Variants in IGF2BP1 observed in about 807,000 individuals in gnomAD.
IGF2BP1 encodes insulin-like growth factor 2 mRNA-binding protein 1.
Under a neutral mutation model 74.9 loss-of-function variants are expected in IGF2BP1, and 11 were observed. The observed-to-expected ratio is 0.15, with a 90% CI of 0.09 to 0.24. The LOEUF is 0.24. IGF2BP1 is among the 10% of genes least tolerant of loss of function. The pLI, the probability that IGF2BP1 is intolerant of heterozygous loss-of-function variation, is 1.00. For missense variants in IGF2BP1, 440 were observed against 757.4 expected (o/e 0.58, Z 4.92); for synonymous variants, 287 against 281.8 (o/e 1.02, Z -0.18).
chr17:49,044,125 AG>A, intron 11 of IGF2BP1, 39 bp downstream of exon 11: 1 of 1,608,320 alleles, frequency 6.2e-7, no homozygotes, highest in South Asian at 1.1e-5. Context: ...CTGGAAAGGG[AG>A]GGGTCTCTGC....
At chr17:49,019,767 A>G (rs558493146) in intron 2 of IGF2BP1, among the ~76,000 whole-genome samples, 1 of 150,794 alleles carries the variant, frequency 6.6e-6, no homozygotes, top group Non-Finnish European at 1.5e-5. Context: ...AGTTTGAGAC[A>G]GGATCTCACT....
chr17:49,048,086 G>T (rs938444325), intron 14 of IGF2BP1, among the ~76,000 whole-genome samples: 5 of 152,088 alleles, frequency 3.3e-5, no homozygotes, highest in African/African-American at 1.2e-4. Context: ...TTCATTCTAT[G>T]AAGTGAATCC....
intron 4 of IGF2BP1, 125 bp downstream of exon 4, chr17:49,026,642 T>TGCC: frequency 3.9e-6 from 3 of 761,586 alleles, no homozygotes; most frequent in East Asian, 2.8e-5. Context: ...CCTGCCTTCC[T>TGCC]TCCTGCCTGC....
rs2041904489 is a variant in IGF2BP1, at chr17:49,030,011, TCAATG to T, written c.338-1898_338-1894del. ...GTTAGAGCCAAGAATTTTGATGGGA[TCAATG>T]ACTAGCATCCTGAGGCTACAATGGC... On this transcript the variant is annotated intron_variant, in intron 4 of 14. Transcript: ENST00000290341. Among the ~76,000 whole-genome samples the T allele has an allele frequency of 2.6e-5, 4 of 152,144 alleles. No individual in the cohort carries two copies. In the South Asian group the frequency reaches 8.3e-4, roughly 32 times the overall value.
At chr17:49,045,662 C>T (rs1299058101) in intron 12 of IGF2BP1, among the ~76,000 whole-genome samples, 4 of 152,160 alleles carry the variant, frequency 2.6e-5, no homozygotes, top group African/African-American at 9.7e-5. Flanking sequence ...TTCAATTACT[C>T]ATAACTCATA....
At chr17:49,011,153 AAAAAAAAAAAAAAAC>A (rs1567811447) in intron 2 of IGF2BP1, among the ~76,000 whole-genome samples, 4 of 149,814 alleles carry the variant, frequency 2.7e-5, no homozygotes, top group African/African-American at 9.9e-5. Flanking sequence ...AAAAAAAAAA[AAAAAAAAAAAAAAAC>A]AAACCCTAAA....
chr17:49,040,629 G>T (rs191307827), intron 7 of IGF2BP1, among the ~76,000 whole-genome samples: 1 of 152,238 alleles, frequency 6.6e-6, no homozygotes, highest in Admixed American at 6.5e-5. Flanking sequence ...GTATTCACTT[G>T]TGCGTGTATG....
chr17:48,999,741 C>T (rs1050387378), intron 2 of IGF2BP1, among the ~76,000 whole-genome samples: 3 of 151,768 alleles, frequency 2.0e-5, no homozygotes, highest in Admixed American at 6.6e-5. Context: ...CCTCATATCT[C>T]ACATCATCCC....
intron 2 of IGF2BP1, among the ~76,000 whole-genome samples, chr17:49,006,268 G>A (rs1476020482): frequency 6.6e-6 from 1 of 152,174 alleles, no homozygotes. Flanking sequence ...AGAGGAACAA[G>A]GAGGAAAGGA....
chr17:49,032,006 T>TGGGGGGGGGTAGGGGGGGGGGGGGGGGGG, intron 5 of IGF2BP1, 33 bp downstream of exon 5: 1 of 899,382 alleles, frequency 1.1e-6, no homozygotes, highest in Non-Finnish European at 1.8e-6. Flanking sequence ...CTGGGTGCGG[T>TGGGGGGGGGTAGGGGGGGGGGGGGGGGGG]GGGGGGGGGT....
In IGF2BP1 at chr17:48,997,805, A is replaced by G. The variant is rs150965183; in HGVS notation, c.60A>G (p.Lys20=). The change falls in exon 1 of 15, where the codon AAA becomes AAG. Residue 20 remains lysine (K), a synonymous_variant. Transcript: ENST00000290341. This position sits in a 1 kb window ranked among gnomAD's most constrained non-coding sequence, Gnocchi z 4.8. ...NESVTPADLE[K]VFAEHKISYS... is the part of the protein sequence containing the mutation. ...GCGTGACCCCCGCGGACTTGGAGAA[A>G]GTGTTTGCGGAGCACAAGATCTCCT... is the stretch of plus-strand genomic sequence containing the variant. 61 of 1,614,010 alleles carry G rather than the reference A, an allele frequency of 3.8e-5. No homozygotes were observed. Among genetic ancestry groups the G allele is most frequent in the Middle Eastern group, 1.6e-4 (1 of 6,062 alleles).
At chr17:49,034,750 A>C (rs1232111770) in intron 5 of IGF2BP1, among the ~76,000 whole-genome samples, 7 of 125,400 alleles carry the variant, frequency 5.6e-5, no homozygotes, top group African/African-American at 2.0e-4. Flanking sequence ...AAAAACACAA[A>C]AAAAACAAAA....
At chr17:49,031,423 G>A (rs752061703) in intron 4 of IGF2BP1, among the ~76,000 whole-genome samples, 1 of 152,024 alleles carries the variant, frequency 6.6e-6, no homozygotes, top group Non-Finnish European at 1.5e-5. Context: ...GAATTTTCTA[G>A]TAGCTTCCTT....
intron 1 of IGF2BP1, 73 bp from the exon 2 acceptor site, chr17:48,999,036 C>G (rs1444438825): frequency 1.1e-6 from 1 of 903,912 alleles, no homozygotes; most frequent in East Asian, 2.5e-5. Flanking sequence ...ATCCTAGTGT[C>G]TTTTCCCCTT....
chr17:48,997,820 C>T lies in IGF2BP1; in HGVS notation c.75C>T (p.His25=). 1 of 1,614,194 alleles carries T rather than the reference C, an allele frequency of 6.2e-7. No individual in the cohort carries two copies. The highest frequency in any genetic ancestry group is 1.7e-5 in the Admixed American group (1 of 60,028). The part of the protein sequence containing the change: ...PADLEKVFAE[H]KISYSGQFLV... ...ACTTGGAGAAAGTGTTTGCGGAGCA[C>T]AAGATCTCCTACAGCGGCCAGTTCT... Residue 25 remains histidine (H), a synonymous_variant, in exon 1 of 15, where the codon CAC becomes CAT. Coordinates refer to ENST00000290341, the MANE Select transcript of IGF2BP1 (RefSeq NM_006546.4). This position sits in a 1 kb window ranked among gnomAD's most constrained non-coding sequence, Gnocchi z 4.8.
At chr17:49,047,409 A>T (rs2042118167) in intron 14 of IGF2BP1, among the ~76,000 whole-genome samples, 1 of 152,090 alleles carries the variant, frequency 6.6e-6, no homozygotes, top group Non-Finnish European at 1.5e-5. Context: ...GCCTTTGTAT[A>T]CCCAGCACTG....
In IGF2BP1 at chr17:49,038,241, A is replaced by G. The variant is rs1429710029; in HGVS notation, c.475A>G (p.Ile159Val). The G allele has an allele frequency of 1.3e-6, 2 of 1,587,692 alleles. No homozygotes were observed. Among genetic ancestry groups the G allele is most frequent in the Admixed American group, 3.6e-5 (2 of 55,846 alleles). Reference protein sequence around the residue: ...LKVSYIPDEQIAQGPENGRRG... With the variant: ...LKVSYIPDEQVAQGPENGRRG... ...GGTCTCCTACATCCCCGATGAGCAG[A>G]TAGCACAGGGACCTGAGAATGGGCG... The change falls in exon 6 of 15, where the codon ATA becomes GTA. Residue 159 changes from isoleucine (I) to valine (V), a missense_variant. Coordinates refer to ENST00000290341, the MANE Select transcript of IGF2BP1 (RefSeq NM_006546.4).
Position 48,997,559 on chromosome 17 carries a change from CCGCGACCTCTG to C in IGF2BP1, c.-182_-172del, listed in dbSNP as rs1391201006. ...TCTCCTGGGCTCTCCCCGAACTCTCCCGCGACCTCTGCGCGCCCTCAGGCCGCCTTCCCCGC... is the reference window on the plus strand; with the variant it reads ...TCTCCTGGGCTCTCCCCGAACTCTCCCGCGCCCTCAGGCCGCCTTCCCCGC... On this transcript the variant is annotated 5_prime_UTR_variant, in exon 1 of 15. Transcript: ENST00000290341. The surrounding 1 kb of genome is among the most constrained non-coding windows in gnomAD (Gnocchi z 4.8). 8 of 614,622 alleles carry C rather than the reference CCGCGACCTCTG, an allele frequency of 1.3e-5. No individual in the cohort carries two copies. The highest frequency in any genetic ancestry group is 2.3e-5 in the Non-Finnish European group (8 of 354,418). The allele number at this position is 614,622 out of a possible 1,614,324, so 38.1% of individuals were successfully genotyped here.
rs763329263 is a variant in IGF2BP1, at chr17:49,046,338, A to T, written c.1606A>T (p.Ile536Phe). The T allele has an allele frequency of 1.2e-6, 2 of 1,614,030 alleles. No individual in the cohort carries two copies. Among genetic ancestry groups the T allele is most frequent in the South Asian group, 1.1e-5 (1 of 91,088 alleles). The stretch of plus-strand genomic sequence containing the variant: ...GACCCCTGATGAGAACGACCAGGTC[A>T]TCGTGAAAATCATCGGACATTTCTA... Reference protein sequence around the residue: ...DQTPDENDQVIVKIIGHFYAS... With the variant: ...DQTPDENDQVFVKIIGHFYAS... The change falls in exon 14 of 15, where the codon ATC becomes TTC. Residue 536 changes from isoleucine to phenylalanine, a missense_variant. Physicochemically the swap from Ile to Phe is conservative, Grantham distance 21. Coordinates refer to ENST00000290341, the MANE Select transcript of IGF2BP1 (RefSeq NM_006546.4).
Sources: gnomAD v4.1 joint callset for allele counts (sites outside exome capture counted in the v4.1 genomes callset) on GRCh38, gnomAD v4.1.1 for gene constraint, Gnocchi (gnomAD v3.1) non-coding constraint, MANE v1.5 for transcripts, NCBI Gene and HGNC (gene_info 2026-07-23, HGNC 2026-07-21) for gene names.